The following GPR137C variants were observed in gnomAD, a reference collection of about 807,000 sequenced individuals.
The protein encoded by GPR137C is G protein-coupled receptor 137C.
GPR137C carries 27 observed loss-of-function variants against 43.4 expected under a neutral mutation model. The observed-to-expected ratio is 0.62, with a 90% CI of 0.46 to 0.86. GPR137C has a LOEUF of 0.86. Among genes scored for constraint, GPR137C ranks in the 40% least tolerant of loss-of-function variants. The probability of loss-of-function intolerance (pLI) is 0.00; values close to 1 mark genes in which losing one functional copy is unlikely to be tolerated. For missense variants in GPR137C, 522 were observed against 534.6 expected, an observed-to-expected ratio of 0.98 and a Z score of 0.23; for synonymous variants, 285 against 226.9, an observed-to-expected ratio of 1.26 and a Z score of -2.30.
At chr14:52,625,242 G>A (rs923287104) in intron 3 of GPR137C, among the ~76,000 whole-genome samples, 151 of 152,162 alleles carry the variant, frequency 9.9e-4, no homozygotes, top group Non-Finnish European at 1.8e-3. Flanking sequence ...CCAGGGCTTC[G>A]GGAAGCCGAG....
At chr14:52,594,588 T>C (rs1193279530) in intron 1 of GPR137C, among the ~76,000 whole-genome samples, 1 of 152,244 alleles carries the variant, frequency 6.6e-6, no homozygotes, top group East Asian at 1.9e-4. Flanking sequence ...TCTTTGTCTC[T>C]TTTGATCTTT....
chr14:52,587,661 T>G (rs2038729803), intron 1 of GPR137C, among the ~76,000 whole-genome samples: 1 of 152,164 alleles, frequency 6.6e-6, no homozygotes, highest in Non-Finnish European at 1.5e-5. Context: ...TTCCAGCTAC[T>G]CGAGAGGCTG....
chr14:52,583,219 C>G (rs2038671410), intron 1 of GPR137C, among the ~76,000 whole-genome samples: 2 of 152,122 alleles, frequency 1.3e-5, no homozygotes, highest in Non-Finnish European at 2.9e-5. Flanking sequence ...TTTATTGTTT[C>G]ATGAATTATT....
intron 4 of GPR137C, 38 bp downstream of exon 4, chr14:52,632,347 A>T: frequency 1.4e-6 from 2 of 1,469,950 alleles, no homozygotes; most frequent in East Asian, 2.3e-5. Context: ...TAACAATGTG[A>T]TAATTAACTT....
chr14:52,578,339 T>G (rs534475998), intron 1 of GPR137C, among the ~76,000 whole-genome samples: 13 of 152,290 alleles, frequency 8.5e-5, no homozygotes, highest in African/African-American at 3.1e-4. Context: ...ATCTTTTTCT[T>G]TTCTTTCCTA....
chr14:52,621,603 C>A (rs942852318), intron 3 of GPR137C, among the ~76,000 whole-genome samples: 1 of 151,718 alleles, frequency 6.6e-6, no homozygotes, highest in African/African-American at 2.4e-5. Context: ...ATATAATTCT[C>A]TGTGTATTAT....
At chr14:52,633,769 G>A (rs1177400510) in intron 5 of GPR137C, 59 bp from the exon 6 acceptor site, 10 of 1,516,878 alleles carry the variant, frequency 6.6e-6, no homozygotes, top group Non-Finnish European at 9.1e-6. Flanking sequence ...ATAGATTCTA[G>A]CCTCCTTTCT....
chr14:52,611,715 G>A (rs1441149657), intron 3 of GPR137C: 5 of 380,858 alleles, frequency 1.3e-5, no homozygotes, highest in Admixed American at 6.4e-5. Flanking sequence ...ATAACTCAAG[G>A]TCTAGAGTTA....
rs2039335665 is a variant in GPR137C at position 52,634,933 on chromosome 14, T to C, written c.1113-5T>C. The C allele has an allele frequency of 6.2e-7, 1 of 1,611,218 alleles. No individual in the cohort carries two copies. Among genetic ancestry groups the C allele is most frequent in the Admixed American group, 1.7e-5 (1 of 59,394 alleles). ...TATGGTCTTTTTGCCTTTTTTTTGT[T>C]GCAGTTTACCAAATTCGCAAAGTTT... On this transcript the variant is annotated splice_polypyrimidine_tract_variant and splice_region_variant and intron_variant, in intron 6 of 6. Transcript: ENST00000321662.
At chr14:52,605,182 T>C (rs1050303884) in intron 3 of GPR137C, among the ~76,000 whole-genome samples, 2 of 152,176 alleles carry the variant, frequency 1.3e-5, no homozygotes, top group Admixed American at 6.5e-5. Context: ...TTCTTTCAAT[T>C]AGTGAGCATG....
intron 3 of GPR137C, among the ~76,000 whole-genome samples, chr14:52,618,425 G>A (rs1353088839): frequency 3.3e-5 from 5 of 151,870 alleles, no homozygotes; most frequent in African/African-American, 4.8e-5. Flanking sequence ...ACTAACTTAG[G>A]CAAAGTTTTA....
intron 1 of GPR137C, among the ~76,000 whole-genome samples, chr14:52,595,117 CT>C: frequency 6.6e-6 from 1 of 152,244 alleles, no homozygotes; most frequent in Admixed American, 6.5e-5. Context: ...GTTGAAAATT[CT>C]TTTCTTTAAG....
intron 3 of GPR137C, among the ~76,000 whole-genome samples, chr14:52,625,972 C>G (rs1234906506): frequency 6.6e-6 from 1 of 151,990 alleles, no homozygotes; most frequent in Non-Finnish European, 1.5e-5. Context: ...ATTCAACTAA[C>G]CTTGAATTGA....
chr14:52,569,555 A>G (rs2038432076), intron 1 of GPR137C, among the ~76,000 whole-genome samples: 1 of 152,008 alleles, frequency 6.6e-6, no homozygotes, highest in African/African-American at 2.4e-5. Flanking sequence ...AAAAAAGGTT[A>G]GAGGAATTGC....
chr14:52,573,774 G>C (rs11157923), intron 1 of GPR137C, among the ~76,000 whole-genome samples: 15,891 of 152,222 alleles, frequency 0.1, 1,144 homozygotes, highest in East Asian at 0.36. Flanking sequence ...ACTATCATCA[G>C]AGTGAACAGG....
At chr14:52,620,224 G>A (rs2139566552) in intron 3 of GPR137C, among the ~76,000 whole-genome samples, 1 of 152,182 alleles carries the variant, frequency 6.6e-6, no homozygotes, top group Middle Eastern at 3.4e-3. Flanking sequence ...TACTGCAGAT[G>A]TAAAGTGAGT....
At chr14:52,554,813 G>C (rs2038168473) in intron 1 of GPR137C, among the ~76,000 whole-genome samples, 1 of 151,788 alleles carries the variant, frequency 6.6e-6, no homozygotes, top group South Asian at 2.1e-4. Flanking sequence ...TTTATAATCA[G>C]TCATAATGTC....
In GPR137C at chr14:52,570,602, G is replaced by A. The variant is rs551014301; in HGVS notation, c.444+17011G>A. Among the ~76,000 whole-genome samples the A allele has an allele frequency of 9.2e-5, 14 of 152,090 alleles. 1 individual carries two copies. Among genetic ancestry groups the A allele is most frequent in the East Asian group, 3.9e-4 (2 of 5,186 alleles). On this transcript the variant is annotated intron_variant, in intron 1 of 6. Coordinates refer to ENST00000321662, the MANE Select transcript of GPR137C (RefSeq NM_001099652.2). ...TTGATGTCCTATATTCAGGAGACCCGTCTCACCTGCAAAGACACATATAGG... is the reference window on the plus strand; with the variant it reads ...TTGATGTCCTATATTCAGGAGACCCATCTCACCTGCAAAGACACATATAGG...
rs575812309 is a variant in GPR137C, at chr14:52,589,316, G to A, written c.445-8956G>A. On this transcript the variant is annotated intron_variant, in intron 1 of 6. Coordinates refer to ENST00000321662, the MANE Select transcript of GPR137C (RefSeq NM_001099652.2). ...ATTCAGGAGATGGATAAAGGTGATG[G>A]TTGCACAACATTGTGAATGTACTTA... Among the ~76,000 whole-genome samples, 16 of 152,090 alleles carry A rather than the reference G, an allele frequency of 1.1e-4. 1 individual carries two copies. Among genetic ancestry groups the A allele is most frequent in the Non-Finnish European group, 2.1e-4 (14 of 68,012 alleles).
Sources: gnomAD v4.1 joint callset for allele counts (sites outside exome capture counted in the v4.1 genomes callset) on GRCh38, gnomAD v4.1.1 for gene constraint, MANE v1.5 for transcripts, NCBI Gene and HGNC (gene_info 2026-07-23, HGNC 2026-07-21) for gene names.